Variants in FGD5 observed in about 807,000 individuals in gnomAD.
FGD5 encodes the protein FYVE, RhoGEF and PH domain-containing protein 5.
Under a neutral mutation model 133.4 loss-of-function variants are expected in FGD5, and 28 were observed. That is an observed-to-expected ratio of 0.21 (90% CI 0.16 to 0.29). FGD5 has a LOEUF of 0.29. Ranked by LOEUF, FGD5 falls within the 10% of genes least tolerant of loss-of-function variation. The pLI, the probability that FGD5 is intolerant of heterozygous loss-of-function variation, is 1.00. For synonymous variants in FGD5, 810 were observed against 776.5 expected, an observed-to-expected ratio of 1.04 and a Z score of -0.72; for missense variants, 1,858 against 1,895.2, an observed-to-expected ratio of 0.98 and a Z score of 0.36.
intron 1 of FGD5, among the ~76,000 whole-genome samples, chr3:14,812,732 A>G (rs920710876): frequency 1.4e-4 from 22 of 152,268 alleles, no homozygotes; most frequent in African/African-American, 5.3e-4. Context: ...ATGTGACCTT[A>G]AGCAGGTTAT....
At chr3:14,842,297 C>T (rs1172042531) in intron 1 of FGD5, among the ~76,000 whole-genome samples, 2 of 152,160 alleles carry the variant, frequency 1.3e-5, no homozygotes, top group African/African-American at 4.8e-5. Flanking sequence ...TGGCTTCCTC[C>T]CAGATCACCA....
chr3:14,834,245 C>G (rs899584273), intron 1 of FGD5, among the ~76,000 whole-genome samples: 1 of 152,084 alleles, frequency 6.6e-6, no homozygotes, highest in Non-Finnish European at 1.5e-5. Flanking sequence ...AATGCATTCT[C>G]TTAGAGTCAG....
At chr3:14,901,736 C>G (rs1393384960) in intron 9 of FGD5, among the ~76,000 whole-genome samples, 1 of 152,188 alleles carries the variant, frequency 6.6e-6, no homozygotes, top group East Asian at 1.9e-4. Flanking sequence ...CGAGGAGGTG[C>G]TATACTTTGC....
At chr3:14,814,529 G>A (rs970999634), upstream of FGD5, among the ~76,000 whole-genome samples, 1 of 152,210 alleles carries the variant, frequency 6.6e-6, no homozygotes, top group South Asian at 2.1e-4. Context: ...TCATACTCTT[G>A]ATTTGTTTGC....
intron 11 of FGD5, among the ~76,000 whole-genome samples, chr3:14,913,888 C>T (rs1413417357): frequency 6.6e-6 from 1 of 152,146 alleles, no homozygotes; most frequent in African/African-American, 2.4e-5. Flanking sequence ...CTAGCCACCA[C>T]CCCCGTTTCC....
chr3:14,840,831 T>C (rs535329038), intron 1 of FGD5, among the ~76,000 whole-genome samples: 6 of 152,356 alleles, frequency 3.9e-5, no homozygotes, highest in African/African-American at 1.4e-4. Context: ...ATAGTGTGTG[T>C]GTTACATGGA....
chr3:14,823,106 C>G (rs780943164), intron 1 of FGD5, among the ~76,000 whole-genome samples: 2 of 152,232 alleles, frequency 1.3e-5, no homozygotes, highest in Non-Finnish European at 2.9e-5. Flanking sequence ...TGGACTCGTG[C>G]GAGCTGCAAG....
intron 4 of FGD5, among the ~76,000 whole-genome samples, chr3:14,896,298 A>G (rs750052116): frequency 3.9e-5 from 6 of 152,330 alleles, no homozygotes; most frequent in African/African-American, 9.6e-5. Flanking sequence ...TAAGATTTAT[A>G]TGTAACCACA....
chr3:14,877,964 T>G (rs2037751653), intron 2 of FGD5, among the ~76,000 whole-genome samples: 1 of 152,212 alleles, frequency 6.6e-6, no homozygotes, highest in Non-Finnish European at 1.5e-5. Flanking sequence ...AAAACTATTC[T>G]TCAGAATGTC....
chr3:14,865,178 G>A (rs376175121), intron 2 of FGD5, among the ~76,000 whole-genome samples: 1 of 146,894 alleles, frequency 6.8e-6, no homozygotes, highest in African/African-American at 2.5e-5. Context: ...GGCAAAGAGT[G>A]AAGCGCCCCC....
intron 10 of FGD5, among the ~76,000 whole-genome samples, chr3:14,907,943 C>T (rs1327308160): frequency 1.3e-5 from 2 of 152,298 alleles, no homozygotes; most frequent in South Asian, 4.1e-4. Context: ...AAAGACTCAG[C>T]GCCAGGTTTT....
chr3:14,817,779 G>A (rs1377409511), upstream of FGD5, among the ~76,000 whole-genome samples: 1 of 152,212 alleles, frequency 6.6e-6, no homozygotes, highest in African/African-American at 2.4e-5. Context: ...ATTAGACCAG[G>A]CTGAAGGAGA....
intron 1 of FGD5, among the ~76,000 whole-genome samples, chr3:14,831,936 A>G: frequency 6.6e-6 from 1 of 152,104 alleles, no homozygotes; most frequent in East Asian, 1.9e-4. Flanking sequence ...TGCAGAATAA[A>G]CCAGAGCTCT....
At chr3:14,843,745 C>T (rs1347382986) in intron 1 of FGD5, among the ~76,000 whole-genome samples, 1 of 136,626 alleles carries the variant, frequency 7.3e-6, no homozygotes, top group African/African-American at 2.8e-5. Flanking sequence ...GGCTGGGGTG[C>T]AGTGGCGTGA....
intron 2 of FGD5, among the ~76,000 whole-genome samples, chr3:14,869,526 A>G (rs1207946297): frequency 2.0e-5 from 3 of 152,196 alleles, no homozygotes; most frequent in African/African-American, 7.2e-5. Flanking sequence ...GCAGCCATCA[A>G]CACCATTCAT....
At chr3:14,874,813 G>A (rs1310483024) in intron 2 of FGD5, among the ~76,000 whole-genome samples, 1 of 152,192 alleles carries the variant, frequency 6.6e-6, no homozygotes, top group Non-Finnish European at 1.5e-5. Flanking sequence ...TTAAGTAGCT[G>A]GGCCAAACCC....
intron 8 of FGD5, 147 bp from the exon 9 acceptor site, chr3:14,900,856 G>A (rs1027350177): frequency 1.2e-6 from 1 of 813,796 alleles, no homozygotes; most frequent in Non-Finnish European, 2.1e-6. Context: ...GGAAACTGAG[G>A]CATGCATGAC....
intron 1 of FGD5, among the ~76,000 whole-genome samples, chr3:14,832,103 C>T (rs1033326260): frequency 3.9e-5 from 6 of 152,194 alleles, no homozygotes; most frequent in African/African-American, 9.7e-5. Context: ...ATCTGAGCCC[C>T]GGTTTTCTCA....
chr3:14,810,919 C>G (rs1307801739), intron 1 of FGD5: 16 of 984,880 alleles, frequency 1.6e-5, no homozygotes, highest in Non-Finnish European at 1.9e-5. Context: ...GGACCCCGGC[C>G]GGGCGCTCCA....
Sources: allele counts gnomAD v4.1 joint callset (sites outside exome capture counted in the v4.1 genomes callset), GRCh38; gene constraint gnomAD v4.1.1; transcripts MANE v1.5; gene names NCBI Gene and HGNC (gene_info 2026-07-23, HGNC 2026-07-21).